The following ALK variants were observed in gnomAD, a reference collection of about 807,000 sequenced individuals.
ALK encodes ALK tyrosine kinase receptor.
In ALK, 74 loss-of-function variants were observed where a neutral mutation model predicts 163.1. The observed-to-expected ratio is 0.45, with a 90% CI of 0.38 to 0.55. The LOEUF (loss-of-function observed/expected upper bound fraction) is 0.55, where lower values mean the gene tolerates loss of function less well. Among genes scored for constraint, ALK ranks in the 20% least tolerant of loss-of-function variants. The probability of loss-of-function intolerance (pLI) is 0.00; values close to 1 mark genes in which losing one functional copy is unlikely to be tolerated. For missense variants in ALK, 2,063 were observed against 2,105.3 expected, an observed-to-expected ratio of 0.98 and a Z score of 0.39; for synonymous variants, 960 against 843.2, an observed-to-expected ratio of 1.14 and a Z score of -2.40.
intron 1 of ALK, among the ~76,000 whole-genome samples, chr2:29,828,431 A>C (rs1396246278): frequency 6.6e-6 from 1 of 152,254 alleles, no homozygotes; most frequent in Admixed American, 6.5e-5. Context: ...ACAGAGGGCT[A>C]ATATCCAGAA....
chr2:29,321,395 G>GGTCCATCAAA (rs1457809412), intron 6 of ALK, among the ~76,000 whole-genome samples: 1 of 152,126 alleles, frequency 6.6e-6, no homozygotes, highest in African/African-American at 2.4e-5. Flanking sequence ...GGTTTGTCTG[G>GGTCCATCAAA]GTCCATCAAA....
chr2:29,686,695 G>T (rs1678251193), intron 3 of ALK, among the ~76,000 whole-genome samples: 1 of 152,156 alleles, frequency 6.6e-6, no homozygotes, highest in Admixed American at 6.5e-5. Flanking sequence ...GACCCATGAG[G>T]TTCAGTTAGG....
intron 1 of ALK, among the ~76,000 whole-genome samples, chr2:29,762,796 A>G (rs1216683786): frequency 6.6e-6 from 1 of 152,170 alleles, no homozygotes; most frequent in Non-Finnish European, 1.5e-5. Context: ...CCTCTTTAAA[A>G]GAAAGGGATT....
At chr2:29,573,084 C>T (rs371145935) in intron 3 of ALK, among the ~76,000 whole-genome samples, 57 of 152,346 alleles carry the variant, frequency 3.7e-4, no homozygotes, top group African/African-American at 1.3e-3. Flanking sequence ...ATCTGCCTGG[C>T]TTCTCTTTTC....
intron 3 of ALK, among the ~76,000 whole-genome samples, chr2:29,617,174 C>T (rs1161464399): frequency 6.6e-6 from 1 of 152,172 alleles, no homozygotes; most frequent in Non-Finnish European, 1.5e-5. Context: ...ACTATTTAGC[C>T]ATCCTGATGG....
Position 29,694,974 on chromosome 2 carries a change from A to G in ALK, c.828T>C (p.Tyr276=), listed in dbSNP as rs750910840. Residue 276 remains tyrosine (Y), a synonymous_variant, in exon 3 of 29, where the codon TAT becomes TAC. Transcript: ENST00000389048. The part of the protein sequence containing the change: ...CSFDFPCELE[Y]SPPLHDLRNQ... ...TCCTGAGGTCATGCAGTGGAGGGGA[A>G]TACTCCAGCTCACAGGGGAAGTCAA... 1.2e-6 allele frequency: 2 copies of G among 1,614,066 alleles called. No homozygotes were observed. The highest frequency in any genetic ancestry group is 1.7e-6 in the Non-Finnish European group (2 of 1,179,956).
intron 1 of ALK, among the ~76,000 whole-genome samples, chr2:29,905,766 C>G (rs1667529230): frequency 6.6e-6 from 1 of 151,992 alleles, no homozygotes; most frequent in Admixed American, 6.6e-5. Context: ...ATGTGTGGGT[C>G]CAAGGGGGCT....
At chr2:29,533,437 T>C (rs907019665) in intron 3 of ALK, among the ~76,000 whole-genome samples, 21 of 152,182 alleles carry the variant, frequency 1.4e-4, no homozygotes, top group African/African-American at 4.3e-4. Flanking sequence ...TCCAAAGTCT[T>C]AGTTTGAAAG....
chr2:29,876,985 T>A (rs923822918), intron 1 of ALK, among the ~76,000 whole-genome samples: 2 of 152,278 alleles, frequency 1.3e-5, no homozygotes, highest in African/African-American at 4.8e-5. Context: ...CCCTGAAATA[T>A]CTAACCTCCC....
chr2:29,547,173 GTCTAAACTTCCTCCTCATACAT>G (rs1258250069), intron 3 of ALK, among the ~76,000 whole-genome samples: 1 of 152,140 alleles, frequency 6.6e-6, no homozygotes, highest in Non-Finnish European at 1.5e-5. Context: ...TTCACTTCAG[GTCTAAACTTCCTCCTCATACAT>G]TCTACACACA....
intron 5 of ALK, among the ~76,000 whole-genome samples, chr2:29,361,250 G>C (rs1362440599): frequency 2.0e-5 from 3 of 152,232 alleles, no homozygotes; most frequent in African/African-American, 7.2e-5. Flanking sequence ...TCACCAGGGT[G>C]GGAGAATTCA....
intron 1 of ALK, among the ~76,000 whole-genome samples, chr2:29,901,201 A>C (rs146940202): frequency 9.8e-4 from 149 of 152,298 alleles, no homozygotes; most frequent in African/African-American, 2.5e-3. Flanking sequence ...AGATAAAACT[A>C]TCTGTCTCTT....
chr2:29,866,604 T>A (rs1666439643), intron 1 of ALK, among the ~76,000 whole-genome samples: 1 of 152,230 alleles, frequency 6.6e-6, no homozygotes, highest in Admixed American at 6.5e-5. Context: ...ACTTAGGAGC[T>A]ATATCAGCCC....
At chr2:29,344,446 T>C (rs1360793751) in intron 5 of ALK, among the ~76,000 whole-genome samples, 1 of 152,106 alleles carries the variant, frequency 6.6e-6, no homozygotes, top group East Asian at 1.9e-4. Context: ...GGGGCATGCA[T>C]GTAAGAAGTT....
rs552588725 is a variant in ALK, at chr2:29,577,755, C to G, written c.953-45639G>C. Among the ~76,000 whole-genome samples the G allele has an allele frequency of 2.8e-4, 43 of 152,332 alleles. 1 individual carries two copies. In the South Asian group the frequency reaches 8.3e-3, roughly 29 times the overall value. The stretch of plus-strand genomic sequence containing the variant: ...CACTGATGTGAGACAAAAGCACATG[C>G]TTGGTGAATCTCTGCTCTCGTTCTC... On this transcript the variant is annotated intron_variant, in intron 3 of 28. Transcript: ENST00000389048.
intron 1 of ALK, among the ~76,000 whole-genome samples, chr2:29,870,622 A>G (rs1666554448): frequency 6.6e-6 from 1 of 151,900 alleles, no homozygotes; most frequent in African/African-American, 2.4e-5. Flanking sequence ...ATTTATTAAA[A>G]TCATGCTTAC....
intron 4 of ALK, among the ~76,000 whole-genome samples, chr2:29,401,435 G>C (rs1011229268): frequency 6.6e-6 from 1 of 152,118 alleles, no homozygotes; most frequent in Non-Finnish European, 1.5e-5. Context: ...ATTCCTTTAA[G>C]CAATTTCCCA....
At position 29,848,875 on chromosome 2, in the gene ALK, A is replaced by G. The variant is rs570512523; in HGVS notation, c.667+71118T>C. ...AGATGCGGCCACGAGGGACCCCAAC[A>G]GCAGCAAAGCTGCAGATTCTAGAGT... is the stretch of plus-strand genomic sequence containing the variant. On this transcript the variant is annotated intron_variant, in intron 1 of 28. Coordinates refer to ENST00000389048, the MANE Select transcript of ALK (RefSeq NM_004304.5). Among the ~76,000 whole-genome samples the G allele has an allele frequency of 3.9e-5, 6 of 152,330 alleles. No homozygotes were observed. In the East Asian group the frequency reaches 1.2e-3, roughly 29 times the overall value.
At position 29,196,863 on chromosome 2, in the gene ALK, A is replaced by G. The variant is rs770544095; in HGVS notation, c.4074-3T>C. 3.7e-6 allele frequency: 6 copies of G among 1,606,426 alleles called. No individual in the cohort carries two copies. Among genetic ancestry groups the G allele is most frequent in the South Asian group, 2.2e-5 (2 of 90,928 alleles). ...AGCACTGAGTCATTATCCGGTATCT[A>G]AAAGAAGAAGCACATTAATTAAAAT... On this transcript the variant is annotated splice_region_variant and splice_polypyrimidine_tract_variant and intron_variant, in intron 27 of 28. Transcript: ENST00000389048.
Sources: gnomAD v4.1 joint callset for allele counts (sites outside exome capture counted in the v4.1 genomes callset) on GRCh38, gnomAD v4.1.1 for gene constraint, MANE v1.5 for transcripts, NCBI Gene and HGNC (gene_info 2026-07-23, HGNC 2026-07-21) for gene names.